Variants in DPP6 observed in about 807,000 individuals in gnomAD.
DPP6 encodes A-type potassium channel modulatory protein DPP6.
In DPP6, 69 loss-of-function variants were observed where a neutral mutation model predicts 122.6. The observed-to-expected ratio is 0.56, with a 90% CI of 0.46 to 0.69. The LOEUF is 0.69. Among genes scored for constraint, DPP6 ranks in the 30% least tolerant of loss-of-function variants. The pLI, the probability that DPP6 is intolerant of heterozygous loss-of-function variation, is 0.00. For synonymous variants in DPP6, 418 were observed against 433.1 expected (o/e 0.97, Z 0.43); for missense variants, 928 against 1,116.9 (o/e 0.83, Z 2.41).
intron 5 of DPP6, among the ~76,000 whole-genome samples, chr7:154,579,441 G>A (rs571866293): frequency 4.0e-4 from 61 of 152,302 alleles, no homozygotes; most frequent in African/African-American, 1.4e-3. Context: ...GAGGAGATTC[G>A]GTAGGTATCT....
At chr7:154,588,235 C>T in intron 5 of DPP6, 1 of 1,363,766 alleles carries the variant, frequency 7.3e-7, no homozygotes, top group South Asian at 1.5e-5. Context: ...GAGGGAGGGA[C>T]CCTCCACTGG....
intron 1 of DPP6, among the ~76,000 whole-genome samples, chr7:154,409,149 A>G (rs1185062179): frequency 6.6e-6 from 1 of 152,192 alleles, no homozygotes; most frequent in African/African-American, 2.4e-5. Context: ...GCCAATTTAT[A>G]TGTTAAAATT....
chr7:154,587,592 G>T (rs1832539977), intron 5 of DPP6: 8 of 1,498,844 alleles, frequency 5.3e-6, no homozygotes, highest in Non-Finnish European at 7.1e-6. Context: ...AGCATCCTGG[G>T]ACCATAGAAA....
intron 1 of DPP6, among the ~76,000 whole-genome samples, chr7:154,361,110 GAGA>G (rs1473619623): frequency 8.5e-5 from 13 of 152,158 alleles, no homozygotes; most frequent in Non-Finnish European, 7.4e-5. Context: ...AGTGGGCTAT[GAGA>G]AGATTTGAGC....
chr7:154,775,486 T>A, intron 10 of DPP6, among the ~76,000 whole-genome samples: 1 of 152,080 alleles, frequency 6.6e-6, no homozygotes, highest in Non-Finnish European at 1.5e-5. Context: ...CCATATAATT[T>A]TTAAATGGTC....
chr7:154,226,732 T>C (rs1476555419), intron 1 of DPP6, among the ~76,000 whole-genome samples: 1 of 152,112 alleles, frequency 6.6e-6, no homozygotes, highest in African/African-American at 2.4e-5. Context: ...TCAAGGCAAA[T>C]GTGGCCATTT....
the DPP6 span, among the ~76,000 whole-genome samples, chr7:153,757,613 A>G: frequency 0.032 from 4,818 of 150,650 alleles, no homozygotes; most frequent in African/African-American, 0.054. Context: ...AGGACATTCA[A>G]CCAGCCTTCA....
chr7:153,920,181 G>A (rs1426573877), intron 1 of DPP6, among the ~76,000 whole-genome samples: 1 of 147,060 alleles, frequency 6.8e-6, no homozygotes, highest in Non-Finnish European at 1.5e-5. Flanking sequence ...GTAGATTGCT[G>A]ATAATTAGCT....
At chr7:154,511,062 TAAGG>T (rs1826055167) in intron 3 of DPP6, among the ~76,000 whole-genome samples, 1 of 151,994 alleles carries the variant, frequency 6.6e-6, no homozygotes, top group Non-Finnish European at 1.5e-5. Context: ...TGTTCTCCAG[TAAGG>T]AATGTATTTT....
intron 1 of DPP6, among the ~76,000 whole-genome samples, chr7:153,963,335 C>T (rs1317286239): frequency 6.6e-6 from 1 of 150,506 alleles, no homozygotes; most frequent in South Asian, 2.1e-4. Flanking sequence ...GATGATTTCT[C>T]CCTCGTCTTG....
chr7:154,011,396 T>A (rs1798148830), intron 1 of DPP6, among the ~76,000 whole-genome samples: 1 of 152,228 alleles, frequency 6.6e-6, no homozygotes, highest in Admixed American at 6.5e-5. Flanking sequence ...ACTAACACTC[T>A]GAGTGAACCC....
At chr7:154,464,407 T>C (rs1340297176) in intron 2 of DPP6, among the ~76,000 whole-genome samples, 1 of 152,252 alleles carries the variant, frequency 6.6e-6, no homozygotes, top group Non-Finnish European at 1.5e-5. Context: ...AACCAGATAC[T>C]GTGATCATTA....
intron 1 of DPP6, among the ~76,000 whole-genome samples, chr7:154,141,470 T>C (rs1175294425): frequency 6.6e-6 from 1 of 152,204 alleles, no homozygotes; most frequent in Non-Finnish European, 1.5e-5. Flanking sequence ...CACCTTGCAT[T>C]GTGCTTGGCA....
chr7:154,462,615 T>G (rs1821390216), intron 2 of DPP6, among the ~76,000 whole-genome samples: 1 of 152,178 alleles, frequency 6.6e-6, no homozygotes, highest in Non-Finnish European at 1.5e-5. Context: ...TTATTTTATT[T>G]GCAGTGATTA....
chr7:153,956,848 C>T (rs1010797360), intron 1 of DPP6, among the ~76,000 whole-genome samples: 8 of 152,132 alleles, frequency 5.3e-5, no homozygotes, highest in African/African-American at 1.9e-4. Context: ...CATTGTGCAA[C>T]ACCATTGCTG....
intron 1 of DPP6, among the ~76,000 whole-genome samples, chr7:154,227,596 AG>A (rs1253144928): frequency 6.6e-6 from 1 of 152,224 alleles, no homozygotes; most frequent in Non-Finnish European, 1.5e-5. Flanking sequence ...TAATAACAAA[AG>A]TTTCAAGCAC....
intron 1 of DPP6, among the ~76,000 whole-genome samples, chr7:153,964,999 TCTTCCTTCCTTCCTTCCTTCCTTC>T (rs1209264469): frequency 1.6e-5 from 1 of 62,432 alleles, no homozygotes; most frequent in Non-Finnish European, 3.1e-5. Flanking sequence ...TTCCTTCCTT[TCTTCCTTCCTTCCTTCCTTCCTTC>T]CTTCCTTCCT....
intron 1 of DPP6, among the ~76,000 whole-genome samples, chr7:154,131,497 G>T (rs1410325852): frequency 6.6e-6 from 1 of 152,390 alleles, no homozygotes; most frequent in East Asian, 1.9e-4. Context: ...GTGTGATTGG[G>T]AAGGCCCACG....
chr7:154,051,551 GC>G (rs1354263385), upstream of DPP6, among the ~76,000 whole-genome samples: 2 of 133,130 alleles, frequency 1.5e-5, no homozygotes, highest in African/African-American at 6.2e-5. Context: ...CTGCGGCTGG[GC>G]AGGAGGCAAG....
Sources: gnomAD v4.1 joint callset for allele counts (sites outside exome capture counted in the v4.1 genomes callset) on GRCh38, gnomAD v4.1.1 for gene constraint, MANE v1.5 for transcripts, NCBI Gene and HGNC (gene_info 2026-07-23, HGNC 2026-07-21) for gene names.